MIA2: variants seen among roughly 807,000 people sequenced by gnomAD.
MIA2 encodes MIA SH3 domain ER export factor 2.
MIA2 carries 127 observed loss-of-function variants against 167.8 expected under a neutral mutation model. That is an observed-to-expected ratio of 0.76 (90% confidence interval 0.66 to 0.88). The LOEUF is 0.88. Among genes scored for constraint, MIA2 ranks in the 40% least tolerant of loss-of-function variants. The pLI, the probability that MIA2 is intolerant of heterozygous loss-of-function variation, is 0.00. For synonymous variants in MIA2, 552 were observed against 541.9 expected (o/e 1.02, Z -0.26); for missense variants, 1,690 against 1,624.7 (o/e 1.04, Z -0.69).
At chr14:39,353,297 A>G (rs1595929003), downstream of MIA2, among the ~76,000 whole-genome samples, 1 of 152,178 alleles carries the variant, frequency 6.6e-6, no homozygotes, top group South Asian at 2.1e-4. Context: ...TATTTCATCT[A>G]ACTGTATGTT....
intron 11 of MIA2, among the ~76,000 whole-genome samples, chr14:39,293,674 TATTA>T: frequency 6.6e-6 from 1 of 152,202 alleles, no homozygotes; most frequent in Non-Finnish European, 1.5e-5. Flanking sequence ...TTAACATGTA[TATTA>T]ACATTAAAAC....
Position 39,247,800 on chromosome 14 carries a change from A to G in MIA2, c.1226A>G (p.Asp409Gly), listed in dbSNP as rs754254699. Reference sequence around the variant, plus strand: ...AAAAATGAAGAAGATGGTGGGGCAGATGAACATGAACATCCTCTAACAAGT... The same window carrying G: ...AAAAATGAAGAAGATGGTGGGGCAGGTGAACATGAACATCCTCTAACAAGT... ...DRKNEEDGGA[D>G]EHEHPLTSEL... The change falls in exon 4 of 29, where the codon GAT becomes GGT. Residue 409 changes from aspartate (D) to glycine (G), a missense_variant. Transcript: ENST00000640607. The G allele has an allele frequency of 6.2e-7, 1 of 1,611,686 alleles. No individual in the cohort carries two copies. Among genetic ancestry groups the G allele is most frequent in the Non-Finnish European group, 8.5e-7 (1 of 1,179,516 alleles).
chr14:39,388,472 G>A lies in MIA2; in HGVS notation c.*1520G>A, dbSNP rs894117675. ...TTGTGATATTAATGCTAACCCAAAT[G>A]TTAATATGCCATTCATTTGAGAAAT... On this transcript the variant is annotated 3_prime_UTR_variant, in exon 24 of 24. Coordinates refer to the MIA2 transcript ENST00000341502. The surrounding 1 kb of genome is among the most constrained non-coding windows in gnomAD (Gnocchi z 4.1). 5 of 153,598 alleles carry A rather than the reference G, an allele frequency of 3.3e-5. No individual in the cohort carries two copies. Among genetic ancestry groups the A allele is most frequent in the African/African-American group, 1.2e-4 (5 of 41,474 alleles). The allele number at this position is 153,598 out of a possible 1,614,324, so 9.5% of individuals were successfully genotyped here.
rs529337594 is a variant in MIA2 at position 39,287,813 on chromosome 14, G to A, written c.2131-3206G>A. Among the ~76,000 whole-genome samples, 3 of 150,626 alleles carry A rather than the reference G, an allele frequency of 2.0e-5. No individual in the cohort carries two copies. The East Asian group carries it at 6.0e-4, about 30-fold the overall frequency. On this transcript the variant is annotated intron_variant, in intron 9 of 28. Coordinates refer to ENST00000640607, the MANE Select transcript of MIA2 (RefSeq NM_001329214.4). ...CCTGACCTCATGATCTGCCCGCCTCGGCCTCCCAAAGTGCTGGGATTACAG... is the reference window on the plus strand; with the variant it reads ...CCTGACCTCATGATCTGCCCGCCTCAGCCTCCCAAAGTGCTGGGATTACAG...
chr14:39,325,300 G>A (rs1270146199), intron 24 of MIA2, among the ~76,000 whole-genome samples: 2 of 151,550 alleles, frequency 1.3e-5, no homozygotes, highest in Non-Finnish European at 2.9e-5. Context: ...ATAATTTTGA[G>A]AAGACCCCCC....
chr14:39,319,196 T>C lies in MIA2; in HGVS notation c.3285-13T>C, dbSNP rs754101811. ...GGATGAGTAACTTAGAGATGTTTGT[T>C]CTTTATTTGCAGATTAACTGAAACA... On this transcript the variant is annotated splice_polypyrimidine_tract_variant and intron_variant, in intron 22 of 28. Transcript: ENST00000640607. 2.0e-6 allele frequency: 3 copies of C among 1,474,948 alleles called. No homozygotes were observed. The Admixed American group carries it at 5.9e-5, about 29-fold the overall frequency. 91.4% of individuals were successfully genotyped at this position (1,474,948 alleles called of 1,614,324 possible).
At chr14:39,260,195 G>T (rs2055027573) in intron 6 of MIA2, among the ~76,000 whole-genome samples, 1 of 152,194 alleles carries the variant, frequency 6.6e-6, no homozygotes, top group African/African-American at 2.4e-5. Flanking sequence ...ATAGTAGCTT[G>T]ATTTATAATC....
At chr14:39,296,605 C>CTT (rs56677159) in intron 13 of MIA2, among the ~76,000 whole-genome samples, 5 of 138,690 alleles carry the variant, frequency 3.6e-5, no homozygotes, top group African/African-American at 1.1e-4. Flanking sequence ...CTTTTCTTTT[C>CTT]TTTTTTTTTT....
chr14:39,331,394 C>T (rs763635363), intron 25 of MIA2, among the ~76,000 whole-genome samples: 1 of 152,080 alleles, frequency 6.6e-6, no homozygotes, highest in African/African-American at 2.4e-5. Context: ...ACCGATGGGT[C>T]TTGACTCTTT....
intron 13 of MIA2, among the ~76,000 whole-genome samples, chr14:39,297,537 C>CT (rs1416944244): frequency 6.6e-6 from 1 of 152,106 alleles, no homozygotes; most frequent in African/African-American, 2.4e-5. Context: ...ATGCTGGTGT[C>CT]TGACTGTTCA....
intron 17 of MIA2, among the ~76,000 whole-genome samples, chr14:39,307,280 A>C (rs2152911510): frequency 6.6e-6 from 1 of 152,180 alleles, no homozygotes; most frequent in South Asian, 2.1e-4. Context: ...TATCTCCAAA[A>C]CCTTCCTGAG....
chr14:39,245,749 G>A (rs142240559), intron 3 of MIA2, among the ~76,000 whole-genome samples: 23 of 152,204 alleles, frequency 1.5e-4, no homozygotes, highest in African/African-American at 5.5e-4. Context: ...CTTTTATAAG[G>A]GAACCCACTC....
At chr14:39,333,839 T>G (rs2069549574) in intron 25 of MIA2, among the ~76,000 whole-genome samples, 1 of 152,204 alleles carries the variant, frequency 6.6e-6, no homozygotes, top group African/African-American at 2.4e-5. Context: ...TACTTTTCAA[T>G]CATTTGTGAG....
intron 23 of MIA2, chr14:39,385,794 C>T: frequency 3.4e-6 from 3 of 883,718 alleles, no homozygotes; most frequent in Non-Finnish European, 5.8e-6. Context: ...GCTGTTGCCT[C>T]TGGTTCTCAG....
At position 39,299,980 on chromosome 14, in the gene MIA2, C is replaced by T; in HGVS notation, c.2613C>T (p.His871=). 8 of 1,592,056 alleles carry T rather than the reference C, an allele frequency of 5.0e-6. No individual in the cohort carries two copies. The highest frequency in any genetic ancestry group is 1.7e-4 in the Middle Eastern group (1 of 6,004). ...AAGTTCTAAATGATAAAGAAAGTCACATCAAGGTAAATGGCTCTACTGGTT... is the reference window on the plus strand; with the variant it reads ...AAGTTCTAAATGATAAAGAAAGTCATATCAAGGTAAATGGCTCTACTGGTT... ...AEQVLNDKES[H]IKTLTERLLK... is the part of the protein sequence containing the mutation. Residue 871 remains histidine (H), a synonymous_variant, in exon 14 of 29, where the codon CAC becomes CAT. Coordinates refer to ENST00000640607, the MANE Select transcript of MIA2 (RefSeq NM_001329214.4).
intron 6 of MIA2, among the ~76,000 whole-genome samples, chr14:39,271,738 C>T (rs766270157): frequency 7.3e-5 from 11 of 151,460 alleles, no homozygotes; most frequent in Non-Finnish European, 1.0e-4. Context: ...AAGACCAGCC[C>T]GGGCAACTTG....
chr14:39,318,544 A>G (rs1022480919), intron 22 of MIA2, among the ~76,000 whole-genome samples: 3 of 152,162 alleles, frequency 2.0e-5, no homozygotes, highest in South Asian at 2.1e-4. Context: ...TCTTGTCACA[A>G]TGTACTGTTA....
intron 25 of MIA2, among the ~76,000 whole-genome samples, chr14:39,340,278 A>AAG (rs1243420905): frequency 2.0e-5 from 3 of 152,222 alleles, no homozygotes; most frequent in African/African-American, 7.2e-5. Flanking sequence ...AAGCATAGCA[A>AAG]AGAGACTAAG....
At chr14:39,262,824 A>G (rs1299080412) in intron 6 of MIA2, among the ~76,000 whole-genome samples, 1 of 151,952 alleles carries the variant, frequency 6.6e-6, no homozygotes, top group Non-Finnish European at 1.5e-5. Flanking sequence ...TTTGTCTGTT[A>G]TTGGTGTATA....
Sources: gnomAD v4.1 joint callset for allele counts (sites outside exome capture counted in the v4.1 genomes callset) on GRCh38, gnomAD v4.1.1 for gene constraint, Gnocchi (gnomAD v3.1) non-coding constraint, MANE v1.5 for transcripts, NCBI Gene and HGNC (gene_info 2026-07-23, HGNC 2026-07-21) for gene names.